Variants in KIF26B observed in about 807,000 individuals in gnomAD.
KIF26B encodes kinesin family member 26B.
KIF26B carries 63 observed loss-of-function variants against 151.2 expected under a neutral mutation model. The ratio of observed to expected loss-of-function variants is 0.42; its 90% CI spans 0.34 to 0.51. The LOEUF is 0.51. Among genes scored for constraint, KIF26B ranks in the 20% least tolerant of loss-of-function variants. The probability of loss-of-function intolerance (pLI) is 0.07; values close to 1 mark genes in which losing one functional copy is unlikely to be tolerated. For synonymous variants in KIF26B, 1,357 were observed against 1,262.1 expected (o/e 1.08, Z -1.59); for missense variants, 2,813 against 2,913.6 (o/e 0.97, Z 0.79).
intron 2 of KIF26B, among the ~76,000 whole-genome samples, chr1:245,264,888 G>A (rs4658735): frequency 0.44 from 65,463 of 147,202 alleles, 14,849 homozygotes; most frequent in African/African-American, 0.56. Flanking sequence ...GCGAGACTCC[G>A]TCTCAAAAAA....
chr1:245,594,386 T>C (rs1558229343), intron 5 of KIF26B, among the ~76,000 whole-genome samples: 1 of 152,300 alleles, frequency 6.6e-6, no homozygotes, highest in East Asian at 1.9e-4. Context: ...TTTCTGCATA[T>C]GGCTAGCCAG....
At chr1:245,178,116 T>A (rs1039412693) in intron 2 of KIF26B, among the ~76,000 whole-genome samples, 2 of 152,216 alleles carry the variant, frequency 1.3e-5, no homozygotes, top group Non-Finnish European at 2.9e-5. Context: ...CATCTGACTG[T>A]CACTGCTTTG....
chr1:245,202,216 C>T (rs1030869591), intron 2 of KIF26B, among the ~76,000 whole-genome samples: 11 of 152,180 alleles, frequency 7.2e-5, no homozygotes, highest in Non-Finnish European at 7.3e-5. Flanking sequence ...TCATTTACCT[C>T]GCCATCTCTC....
intron 12 of KIF26B, among the ~76,000 whole-genome samples, chr1:245,689,037 G>T (rs895264838): frequency 2.2e-4 from 33 of 152,290 alleles, no homozygotes; most frequent in African/African-American, 7.9e-4. Context: ...GCGGGGCTCC[G>T]CCGGGGACAT....
chr1:245,207,302 G>A (rs1377391480), intron 2 of KIF26B, among the ~76,000 whole-genome samples: 1 of 152,354 alleles, frequency 6.6e-6, no homozygotes, highest in South Asian at 2.1e-4. Context: ...CCGAACACAG[G>A]AGGGAAAGGG....
chr1:245,541,320 T>G (rs574125411), intron 5 of KIF26B, among the ~76,000 whole-genome samples: 12 of 152,292 alleles, frequency 7.9e-5, no homozygotes, highest in African/African-American at 2.9e-4. Flanking sequence ...CCTCATAATT[T>G]CCCTGTGACA....
intron 2 of KIF26B, among the ~76,000 whole-genome samples, chr1:245,300,235 C>G (rs1558380410): frequency 6.6e-6 from 1 of 152,158 alleles, no homozygotes; most frequent in Admixed American, 6.5e-5. Context: ...TATTGATTTG[C>G]TCAATGCAAG....
intron 2 of KIF26B, among the ~76,000 whole-genome samples, chr1:245,189,780 A>G (rs967417627): frequency 1.3e-5 from 2 of 152,246 alleles, no homozygotes; most frequent in African/African-American, 4.8e-5. Flanking sequence ...GCTGATAAAG[A>G]CACACATGAG....
At chr1:245,482,748 C>T (rs1037072160) in intron 4 of KIF26B, among the ~76,000 whole-genome samples, 6 of 151,718 alleles carry the variant, frequency 4.0e-5, no homozygotes, top group East Asian at 1.9e-4. Flanking sequence ...CTGATGATCA[C>T]GACTAGTGTT....
At chr1:245,222,362 G>A (rs1268880230) in intron 2 of KIF26B, among the ~76,000 whole-genome samples, 5 of 152,114 alleles carry the variant, frequency 3.3e-5, no homozygotes, top group Admixed American at 1.3e-4. Flanking sequence ...GCTTAAACCC[G>A]GGAGGCGGAG....
chr1:245,464,574 T>G (rs1659731730), intron 4 of KIF26B, among the ~76,000 whole-genome samples: 1 of 137,954 alleles, frequency 7.2e-6, no homozygotes, highest in Non-Finnish European at 1.5e-5. Context: ...GGTGTGTGGG[T>G]GTGTGTGCAC....
chr1:245,679,367 T>C (rs1258698113), intron 10 of KIF26B, among the ~76,000 whole-genome samples: 1 of 152,130 alleles, frequency 6.6e-6, no homozygotes, highest in Non-Finnish European at 1.5e-5. Flanking sequence ...CCTGTTCTTT[T>C]TGTCCTTTTT....
intron 2 of KIF26B, among the ~76,000 whole-genome samples, chr1:245,223,159 T>A (rs1669807329): frequency 6.6e-6 from 1 of 152,140 alleles, no homozygotes; most frequent in African/African-American, 2.4e-5. Context: ...GCATTCCACA[T>A]GGCAAGCCCC....
At chr1:245,677,953 G>A (rs1252023108) in intron 10 of KIF26B, among the ~76,000 whole-genome samples, 1 of 152,334 alleles carries the variant, frequency 6.6e-6, no homozygotes, top group Non-Finnish European at 1.5e-5. Context: ...TCCCATGAGG[G>A]ATAAGGAACT....
chr1:245,678,657 A>T (rs1380805828), intron 10 of KIF26B, among the ~76,000 whole-genome samples: 4 of 151,918 alleles, frequency 2.6e-5, no homozygotes, highest in Non-Finnish European at 4.4e-5. Context: ...AGGTCAGGAG[A>T]TTGAGACCAT....
intron 5 of KIF26B, among the ~76,000 whole-genome samples, chr1:245,566,375 G>C (rs1211552209): frequency 6.6e-6 from 1 of 152,186 alleles, no homozygotes; most frequent in Non-Finnish European, 1.5e-5. Flanking sequence ...AGAACCACAG[G>C]CTCCTCACGG....
chr1:245,419,691 G>C lies in KIF26B; in HGVS notation c.1112G>C (p.Cys371Ser). Residue 371 changes from cysteine to serine, a missense_variant, in exon 4 of 15, where the codon TGC becomes TCC. This residue lies in a region of KIF26B where 676 missense variants were observed against 688.1 expected (regional missense o/e 0.98). Transcript: ENST00000407071. Reference sequence around the variant, plus strand: ...AGTGTCCCAGCCTCGCAGGGCTCCTGCGTGGCCAGCGAGACTTCCACAGGC... The same window carrying C: ...AGTGTCCCAGCCTCGCAGGGCTCCTCCGTGGCCAGCGAGACTTCCACAGGC... ...ACSVPASQGS[C>S]VASETSTGTS... 6.2e-7 allele frequency: 1 copy of C among 1,613,716 alleles called. No individual in the cohort carries two copies. The highest frequency in any genetic ancestry group is 8.5e-7 in the Non-Finnish European group (1 of 1,179,730).
rs1572034310 is a variant in KIF26B, at chr1:245,382,533, T to G, written c.999+15166T>G. 1.3e-5 allele frequency among the ~76,000 whole-genome samples: 2 copies of G among 150,004 alleles called. 1 individual carries two copies. Among genetic ancestry groups the G allele is most frequent in the South Asian group, 4.2e-4 (2 of 4,732 alleles). On this transcript the variant is annotated intron_variant, in intron 3 of 14. Transcript: ENST00000407071. The stretch of plus-strand genomic sequence containing the variant: ...TCTGTACACTGTTCTAAGCACAGGT[T>G]TGTGTGTGTGTGTGTGTGTGTTTTG...
chr1:245,403,894 T>A (rs1363675118), intron 3 of KIF26B, among the ~76,000 whole-genome samples: 1 of 152,232 alleles, frequency 6.6e-6, no homozygotes, highest in East Asian at 1.9e-4. Flanking sequence ...TTGTTGTCCA[T>A]GCTAACAAGG....
Sources: allele counts gnomAD v4.1 joint callset (sites outside exome capture counted in the v4.1 genomes callset), GRCh38; gene constraint gnomAD v4.1.1; regional missense constraint gnomAD v4.1.1; transcripts MANE v1.5; gene names NCBI Gene and HGNC (gene_info 2026-07-23, HGNC 2026-07-21).